The following ATR variants were observed in gnomAD, a reference collection of about 807,000 sequenced individuals.
The protein encoded by ATR is serine/threonine-protein kinase ATR.
In ATR, 142 loss-of-function variants were observed where a neutral mutation model predicts 305.3. The ratio of observed to expected loss-of-function variants is 0.47; its 90% CI spans 0.41 to 0.53. The LOEUF (loss-of-function observed/expected upper bound fraction) is 0.53, where lower values mean the gene tolerates loss of function less well. Among genes scored for constraint, ATR ranks in the 20% least tolerant of loss-of-function variants. ATR has a pLI of 0.00. For missense variants in ATR, 2,135 were observed against 3,133.1 expected (o/e 0.68, Z 7.60); for synonymous variants, 1,050 against 1,068.1 (o/e 0.98, Z 0.33).
chr3:142,456,479 C>T (rs113288103), intron 45 of ATR, among the ~76,000 whole-genome samples: 17,309 of 151,424 alleles, frequency 0.11, 1,203 homozygotes, highest in Non-Finnish European at 0.16. Context: ...AGCTGAGGCA[C>T]GAGAATCGTT....
chr3:142,481,887 A>T (rs2030519795), intron 36 of ATR, among the ~76,000 whole-genome samples: 4 of 151,494 alleles, frequency 2.6e-5, no homozygotes, highest in Admixed American at 2.6e-4. Context: ...CAGTGGCATG[A>T]TCATAGCTCT....
chr3:142,472,031 C>T (rs1347856705), intron 36 of ATR: 2 of 151,766 alleles, frequency 1.3e-5, no homozygotes, highest in Admixed American at 6.6e-5. Context: ...CAGGTTCATC[C>T]ATCTTCGCAC....
At chr3:142,458,570 A>C (rs2070957264) in intron 44 of ATR, among the ~76,000 whole-genome samples, 1 of 152,122 alleles carries the variant, frequency 6.6e-6, no homozygotes, top group African/African-American at 2.4e-5. Flanking sequence ...GGTATCTATA[A>C]ATTTTTTTTT....
intron 1 of ATR, among the ~76,000 whole-genome samples, chr3:142,574,307 C>T (rs2035367198): frequency 6.6e-6 from 1 of 150,952 alleles, no homozygotes; most frequent in South Asian, 2.1e-4. Flanking sequence ...TACAAAAATA[C>T]AAAAATTAGC....
At chr3:142,550,779 G>A (rs571087428) in intron 13 of ATR, among the ~76,000 whole-genome samples, 96 of 151,622 alleles carry the variant, frequency 6.3e-4, no homozygotes, top group Admixed American at 2.0e-3. Context: ...AAAATACATC[G>A]TTTTTGACAA....
At chr3:142,526,950 G>A (rs1162150859) in intron 21 of ATR, among the ~76,000 whole-genome samples, 1 of 151,890 alleles carries the variant, frequency 6.6e-6, no homozygotes, top group Non-Finnish European at 1.5e-5. Context: ...CACCATGCCT[G>A]GCTAATTTTT....
chr3:142,484,881 T>C (rs1358779471), intron 36 of ATR, among the ~76,000 whole-genome samples: 1 of 152,194 alleles, frequency 6.6e-6, no homozygotes, highest in Non-Finnish European at 1.5e-5. Flanking sequence ...GATTGCTGTG[T>C]TGGTGTGAGA....
chr3:142,502,980 G>A lies in ATR; in HGVS notation c.5288+382C>T, dbSNP rs79248921. Among the ~76,000 whole-genome samples, 47 of 152,300 alleles carry A rather than the reference G, an allele frequency of 3.1e-4. No individual in the cohort carries two copies. In the East Asian group the frequency reaches 9.1e-3, roughly 29 times the overall value. ...ATCAATCATTTAGGGTAAAATCAAT[G>A]CACACAGTCTACAGTGGTATTCCGT... On this transcript the variant is annotated intron_variant, in intron 30 of 46. Coordinates refer to ENST00000350721, the MANE Select transcript of ATR (RefSeq NM_001184.4).
At chr3:142,489,388 A>G (rs973557145) in intron 35 of ATR, among the ~76,000 whole-genome samples, 1 of 152,170 alleles carries the variant, frequency 6.6e-6, no homozygotes, top group Non-Finnish European at 1.5e-5. Context: ...ATATACACCC[A>G]TGGAACCATC....
At position 142,523,998 on chromosome 3, in the gene ATR, A is replaced by T. The variant is rs1450754892; in HGVS notation, c.4147T>A (p.Phe1383Ile). The change falls in exon 22 of 47, where the codon TTT (phenylalanine) becomes ATT (isoleucine). Residue 1383 changes from phenylalanine (F) to isoleucine (I), a missense_variant. Transcript: ENST00000350721. ...TCCAAATTTCCACTACTTACCACAA[A>T]TGTAAAATCTTTTCCTTGAGTTTCA... ...TTETQGKDFTFVTGVEDSSFA... is the reference protein window; with the variant it reads ...TTETQGKDFTIVTGVEDSSFA... 1.9e-6 allele frequency: 3 copies of T among 1,613,792 alleles called. No homozygotes were observed. Among genetic ancestry groups the T allele is most frequent in the East Asian group, 4.5e-5 (2 of 44,862 alleles).
chr3:142,485,309 C>A (rs1373027303), intron 35 of ATR, 27 bp from the exon 36 acceptor site: 1 of 1,613,264 alleles, frequency 6.2e-7, no homozygotes, highest in Non-Finnish European at 8.5e-7. Context: ...AGGATACCTA[C>A]CTAAGGAAAT....
At chr3:142,542,530 C>T (rs150602208) in intron 17 of ATR, 135 bp downstream of exon 17, 19 of 865,560 alleles carry the variant, frequency 2.2e-5, no homozygotes, top group African/African-American at 1.0e-4. Context: ...TCCCAAAAAA[C>T]GTATATGAGT....
chr3:142,529,712 A>T (rs2033562904), intron 21 of ATR, among the ~76,000 whole-genome samples: 1 of 152,150 alleles, frequency 6.6e-6, no homozygotes, highest in Admixed American at 6.5e-5. Context: ...CTCATACTTT[A>T]TGACATTTTT....
chr3:142,451,518 AAGAG>A, intron 46 of ATR: 1 of 1,417,232 alleles, frequency 7.1e-7, no homozygotes, highest in Non-Finnish European at 9.3e-7. Flanking sequence ...TAGAAACAGA[AAGAG>A]AACACCAACA....
intron 36 of ATR, among the ~76,000 whole-genome samples, chr3:142,483,605 G>A (rs779688104): frequency 7.2e-5 from 11 of 152,176 alleles, no homozygotes; most frequent in Admixed American, 4.6e-4. Flanking sequence ...TTGGGAGGCC[G>A]TGGTGGGTGG....
chr3:142,556,610 C>A (rs961955735), intron 8 of ATR, 35 bp from the exon 9 acceptor site: 1 of 1,592,508 alleles, frequency 6.3e-7, no homozygotes, highest in African/African-American at 1.3e-5. Flanking sequence ...AAGATTTCTA[C>A]TAATGTTAAT....
chr3:142,480,865 T>TGGGCATGGGACCTTCAGAGCC lies in ATR; in HGVS notation c.6221+4254_6221+4274dup, dbSNP rs1478707055. On this transcript the variant is annotated intron_variant, in intron 36 of 46. Coordinates refer to ENST00000350721, the MANE Select transcript of ATR (RefSeq NM_001184.4). ...TATGCTAGCAATGAGAGAGGCTCCG[T>TGGGCATGGGACCTTCAGAGCC]GGGCATGGGACCTTCAGAGCCATGC... Among the ~76,000 whole-genome samples the TGGGCATGGGACCTTCAGAGCC allele has an allele frequency of 1.6e-4, 24 of 152,344 alleles. 1 individual carries two copies. Among genetic ancestry groups the TGGGCATGGGACCTTCAGAGCC allele is most frequent in the South Asian group, 1.2e-3 (6 of 4,826 alleles).
At chr3:142,457,466 A>T (rs1429123887) in intron 45 of ATR, 138 bp downstream of exon 45, 2 of 1,002,734 alleles carry the variant, frequency 2.0e-6, no homozygotes, top group East Asian at 2.6e-5. Flanking sequence ...TATATAAATT[A>T]TATCTGCATA....
chr3:142,573,837 G>A (rs757758368), intron 1 of ATR, among the ~76,000 whole-genome samples: 21 of 152,264 alleles, frequency 1.4e-4, no homozygotes, highest in South Asian at 4.1e-4. Flanking sequence ...CGCATGTGAG[G>A]TGGTCAATGG....
Sources: allele counts gnomAD v4.1 joint callset (sites outside exome capture counted in the v4.1 genomes callset), GRCh38; gene constraint gnomAD v4.1.1; transcripts MANE v1.5; gene names NCBI Gene and HGNC (gene_info 2026-07-23, HGNC 2026-07-21).